Variants in SSH1 observed in about 807,000 individuals in gnomAD.
SSH1 encodes protein phosphatase Slingshot homolog 1.
In SSH1, 43 loss-of-function variants were observed where a neutral mutation model predicts 79.7. That is an observed-to-expected ratio of 0.54 (90% CI 0.42 to 0.70). The LOEUF (loss-of-function observed/expected upper bound fraction) is 0.70. Ranked by LOEUF, SSH1 falls within the 30% of genes least tolerant of loss-of-function variation. SSH1 has a pLI of 0.00. For missense variants in SSH1, 1,206 were observed against 1,358.8 expected (o/e 0.89, Z 1.77); for synonymous variants, 599 against 538.3 (o/e 1.11, Z -1.56).
At position 108,781,388 on chromosome 12, in the gene SSH1, C is replaced by T. The variant is rs983962132; in HGVS notation, c.*6600G>A. 3.3e-5 allele frequency: 5 copies of T among 152,220 alleles called. No homozygotes were observed. The highest frequency in any genetic ancestry group is 1.2e-4 in the African/African-American group (5 of 41,452). 9.4% of individuals were successfully genotyped at this position (152,220 alleles called of 1,614,324 possible). A position where few individuals can be genotyped will look rare whatever the true frequency, so the allele number is the denominator to read the frequency against. The stretch of plus-strand genomic sequence containing the variant: ...GTGAGCCATGACTGCCACTGCACTC[C>T]AGGCTGTCTCAAAAAAAGAAAGACT... On this transcript the variant is annotated 3_prime_UTR_variant, in exon 15 of 15. Transcript: ENST00000326495.
chr12:108,857,026 C>G lies in SSH1; in HGVS notation c.69+402G>C, dbSNP rs968033465. ...AATCACGAGGTCACATCTGCACACA[C>G]AGTCTCTGCACAGTCACCCTTAGGG... On this transcript the variant is annotated intron_variant, in intron 1 of 14. Coordinates refer to ENST00000326495, the MANE Select transcript of SSH1 (RefSeq NM_018984.4). This position sits in a 1 kb window ranked among gnomAD's most constrained non-coding sequence, Gnocchi z 4.7. Among the ~76,000 whole-genome samples, 1 of 152,258 alleles carries G rather than the reference C, an allele frequency of 6.6e-6. No individual in the cohort carries two copies. The highest frequency in any genetic ancestry group is 2.4e-5 in the African/African-American group (1 of 41,474).
In SSH1 at chr12:108,788,590, T is replaced by G. The variant is rs562923008; in HGVS notation, c.2548A>C (p.Arg850=). The G allele has an allele frequency of 1.2e-6, 2 of 1,604,790 alleles. No individual in the cohort carries two copies. Among genetic ancestry groups the G allele is most frequent in the Non-Finnish European group, 1.7e-6 (2 of 1,173,586 alleles). ...APPSRDGPAS[R]LEASIPEESQ... Reference sequence around the variant, plus strand: ...TCCTCGGGGATGCTGGCCTCCAGCCTGCTGGCAGGGCCATCCCTGGAGGGA... The same window carrying G: ...TCCTCGGGGATGCTGGCCTCCAGCCGGCTGGCAGGGCCATCCCTGGAGGGA... Residue 850 remains arginine, a synonymous_variant, in exon 15 of 15, where the codon AGG becomes CGG. Transcript: ENST00000326495.
rs868126982 is a variant in SSH1, at chr12:108,805,113, C to G, written c.897G>C (p.Met299Ile). 4 of 1,613,958 alleles carry G rather than the reference C, an allele frequency of 2.5e-6. No individual in the cohort carries two copies. The highest frequency in any genetic ancestry group is 3.4e-6 in the Non-Finnish European group (4 of 1,179,818). ...TGTCCATCTGTCCCAAGATAAGTAG[C>G]ATCTCATTGTCTATAAATTCCTTGA... ...KELKEFIDNE[M>I]LLILGQMDKP... Residue 299 changes from methionine to isoleucine, a missense_variant, in exon 10 of 15, where the codon ATG becomes ATC. Met to Ile is a conservative substitution (Grantham distance 10). This residue lies in a region of SSH1 where 166 missense variants were observed against 262.9 expected (regional missense o/e 0.63). Coordinates refer to ENST00000326495, the MANE Select transcript of SSH1 (RefSeq NM_018984.4).
At chr12:108,816,426 T>C (rs1347172478) in intron 5 of SSH1, among the ~76,000 whole-genome samples, 1 of 152,230 alleles carries the variant, frequency 6.6e-6, no homozygotes, top group African/African-American at 2.4e-5. Context: ...CTCACAGGCA[T>C]TCATTTATCT....
chr12:108,844,111 T>C (rs192259418), intron 2 of SSH1, among the ~76,000 whole-genome samples: 1 of 152,192 alleles, frequency 6.6e-6, no homozygotes, highest in African/African-American at 2.4e-5. Flanking sequence ...GTTCGCATCA[T>C]GAGCACATTT....
intron 9 of SSH1, 111 bp downstream of exon 9, chr12:108,806,190 G>A: frequency 9.8e-7 from 1 of 1,017,388 alleles, no homozygotes. Flanking sequence ...TGATACCAGA[G>A]GACAGGTAAA....
intron 11 of SSH1, among the ~76,000 whole-genome samples, chr12:108,801,661 G>A (rs1391804415): frequency 6.7e-6 from 1 of 149,948 alleles, no homozygotes; most frequent in African/African-American, 2.5e-5. Flanking sequence ...GTTTAGTCTT[G>A]ATTTTTAAAC....
At chr12:108,791,924 T>G in intron 14 of SSH1, 1 of 1,307,802 alleles carries the variant, frequency 7.6e-7, no homozygotes, top group African/African-American at 1.5e-5. Context: ...AAGGCTGAAG[T>G]TGGCTGATAA....
rs79647947 is a variant in SSH1 at position 108,853,419 on chromosome 12, G to A, written c.70-741C>T. 0.014 allele frequency: 12,567 copies of A among 904,848 alleles called. 1,145 individuals are homozygous for A. The African/African-American group carries it at 0.2, about 14-fold the overall frequency. The allele number at this position is 904,848 out of a possible 1,614,324, so 56.1% of individuals were successfully genotyped here. On this transcript the variant is annotated intron_variant, in intron 1 of 14. Coordinates refer to ENST00000326495, the MANE Select transcript of SSH1 (RefSeq NM_018984.4). ...ACCCCCCAAACAACTCCGCACCGCT[G>A]GGACTTGGCATGTTTTTTATGTTGC... is the stretch of plus-strand genomic sequence containing the variant.
At chr12:108,793,953 A>C (rs1235304096) in intron 13 of SSH1, among the ~76,000 whole-genome samples, 2 of 152,324 alleles carry the variant, frequency 1.3e-5, no homozygotes, top group South Asian at 2.1e-4. Context: ...CTTAGGCTGC[A>C]GAGGGCACTG....
At chr12:108,813,865 T>A (rs2137129873) in intron 5 of SSH1, among the ~76,000 whole-genome samples, 1 of 151,540 alleles carries the variant, frequency 6.6e-6, no homozygotes, top group South Asian at 2.1e-4. Context: ...GAGAATAGAA[T>A]CCACGATTGA....
intron 2 of SSH1, among the ~76,000 whole-genome samples, chr12:108,850,530 G>A (rs1450565969): frequency 2.3e-3 from 64 of 28,216 alleles, no homozygotes; most frequent in South Asian, 3.6e-3. Context: ...TGGGGAGGGG[G>A]ATCTAGGGAG....
At chr12:108,818,193 C>T in intron 4 of SSH1, 56 bp downstream of exon 4, 1 of 1,409,968 alleles carries the variant, frequency 7.1e-7, no homozygotes, top group Non-Finnish European at 1.0e-6. Context: ...GCAAGACCCT[C>T]ATCTCACAAA....
At chr12:108,853,107 C>T (rs984317319) in intron 1 of SSH1, 40 of 985,232 alleles carry the variant, frequency 4.1e-5, no homozygotes, top group Non-Finnish European at 4.8e-5. Context: ...TGATGAACAC[C>T]ATTTTCAAAA....
Position 108,807,614 on chromosome 12 carries a change from C to A in SSH1, c.731+19G>T. 2.5e-6 allele frequency: 4 copies of A among 1,611,594 alleles called. No individual in the cohort carries two copies. In the East Asian group the frequency reaches 6.7e-5, roughly 27 times the overall value. On this transcript the variant is annotated intron_variant, in intron 8 of 14. Coordinates refer to ENST00000326495, the MANE Select transcript of SSH1 (RefSeq NM_018984.4). The surrounding 1 kb of genome is among the most constrained non-coding windows in gnomAD (Gnocchi z 5.2). ...GCCTGTGGGCTTGGGTGCGCTCACA[C>A]CAGAGGCACCTCACTTACTTGTCCA...
chr12:108,813,713 T>TA (rs781541091), intron 5 of SSH1, among the ~76,000 whole-genome samples: 347 of 15,952 alleles, frequency 0.022, 1 homozygote, highest in East Asian at 0.079. Context: ...GTCTCCAAAT[T>TA]AAAAAAAAAA....
chr12:108,808,318 A>T lies in SSH1; in HGVS notation c.537-491T>A, dbSNP rs1200873684. 2.0e-5 allele frequency among the ~76,000 whole-genome samples: 3 copies of T among 152,240 alleles called. No individual in the cohort carries two copies. The East Asian group carries it at 5.8e-4, about 29-fold the overall frequency. ...GGCTGGGGAATGCATATAGCCTGAA[A>T]CATTCAGCCCGCCAGGACACGGAGC... On this transcript the variant is annotated intron_variant, in intron 7 of 14. Transcript: ENST00000326495.
chr12:108,827,561 C>A (rs1742398478), intron 2 of SSH1: 6 of 1,266,050 alleles, frequency 4.7e-6, no homozygotes, highest in Non-Finnish European at 6.0e-6. Context: ...AGGCCCTTGT[C>A]CCAGCACATC....
In SSH1 at chr12:108,807,398, A is replaced by G. The variant is rs1186224056; in HGVS notation, c.731+235T>C. On this transcript the variant is annotated intron_variant, in intron 8 of 14. Coordinates refer to ENST00000326495, the MANE Select transcript of SSH1 (RefSeq NM_018984.4). The surrounding 1 kb of genome is among the most constrained non-coding windows in gnomAD (Gnocchi z 5.2). ...TTACGGACCCCGTCCCCAGAAATGC[A>G]TTCACCAAATTCATCAGTAATTTTT... is the stretch of plus-strand genomic sequence containing the variant. 6.7e-6 allele frequency among the ~76,000 whole-genome samples: 1 copy of G among 149,794 alleles called. No homozygotes were observed. Among genetic ancestry groups the G allele is most frequent in the African/African-American group, 2.5e-5 (1 of 40,536 alleles).
Sources: allele counts gnomAD v4.1 joint callset (sites outside exome capture counted in the v4.1 genomes callset), GRCh38; gene constraint gnomAD v4.1.1; regional missense constraint gnomAD v4.1.1; non-coding constraint Gnocchi (gnomAD v3.1); transcripts MANE v1.5; gene names NCBI Gene and HGNC (gene_info 2026-07-23, HGNC 2026-07-21).